The following PCNT variants were observed in gnomAD, a reference collection of about 807,000 sequenced individuals.
PCNT encodes the protein kendrin.
Under a neutral mutation model 380.4 loss-of-function variants are expected in PCNT, and 319 were observed. The ratio of observed to expected loss-of-function variants is 0.84; its 90% confidence interval spans 0.77 to 0.92. The LOEUF is 0.92. Among genes scored for constraint, PCNT ranks in the 40% least tolerant of loss-of-function variants. The probability of loss-of-function intolerance (pLI) is 0.00; values close to 1 mark genes in which losing one functional copy is unlikely to be tolerated. For missense variants in PCNT, 4,400 were observed against 4,255.3 expected (o/e 1.03, Z -0.95); for synonymous variants, 1,845 against 1,735.2 (o/e 1.06, Z -1.57).
At chr21:46,391,562 C>G (rs946544278) in intron 21 of PCNT, among the ~76,000 whole-genome samples, 186 bp downstream of exon 21, 2 of 152,216 alleles carry the variant, frequency 1.3e-5, no homozygotes, top group African/African-American at 4.8e-5. Flanking sequence ...ACTGGCTTTG[C>G]TGCCCTTTCA....
intron 13 of PCNT, among the ~76,000 whole-genome samples, chr21:46,358,036 C>G (rs1601827698): frequency 6.6e-6 from 1 of 152,210 alleles, no homozygotes; most frequent in Non-Finnish European, 1.5e-5. Context: ...AGGGTCCATC[C>G]CATGCTGGAG....
intron 3 of PCNT, among the ~76,000 whole-genome samples, chr21:46,338,879 C>T (rs971058063): frequency 6.6e-6 from 1 of 152,114 alleles, no homozygotes; most frequent in African/African-American, 2.4e-5. Context: ...CTCCCAGGCT[C>T]AAGGGGTTCT....
chr21:46,370,727 A>G (rs916358343), intron 15 of PCNT, among the ~76,000 whole-genome samples: 2 of 152,110 alleles, frequency 1.3e-5, no homozygotes, highest in African/African-American at 4.8e-5. Context: ...GGAACATAGC[A>G]AGAGTCCACT....
At chr21:46,399,099 G>A (rs1298614237) in intron 24 of PCNT, among the ~76,000 whole-genome samples, 6 of 152,150 alleles carry the variant, frequency 3.9e-5, no homozygotes, top group South Asian at 2.1e-4. Flanking sequence ...GATTACAGGC[G>A]TGAGCCACCG....
Position 46,438,197 on chromosome 21 carries a change from G to T in PCNT, c.9133G>T (p.Val3045Leu), listed in dbSNP as rs925637422. The change falls in exon 41 of 47, where the codon GTG (valine) becomes TTG (leucine). Residue 3045 changes from valine to leucine, a missense_variant. By Grantham distance (32) the Val-to-Leu change is conservative. Transcript: ENST00000359568. ...GGCAGCAGAGCTGCAGTTCCAGTTT[G>T]TGGACGTCCTGCTGAAAGACAATGT... The part of the protein sequence containing the change: ...KMAAELQFQF[V>L]DVLLKDNVSL... 1.9e-6 allele frequency: 3 copies of T among 1,614,134 alleles called. No individual in the cohort carries two copies. The East Asian group carries it at 6.7e-5, about 36-fold the overall frequency.
chr21:46,348,875 C>T, intron 6 of PCNT, 137 bp from the exon 7 acceptor site: 1 of 654,548 alleles, frequency 1.5e-6, no homozygotes, highest in Non-Finnish European at 2.7e-6. Context: ...ATCTGCCTGC[C>T]TCAGCCTCTC....
At chr21:46,399,904 C>A (rs2086364133) in intron 25 of PCNT, 108 bp downstream of exon 25, 1 of 904,672 alleles carries the variant, frequency 1.1e-6, no homozygotes, top group African/African-American at 1.6e-5. Context: ...TCACTGGCAG[C>A]CACCACGTCT....
rs573375308 is a variant in PCNT, at chr21:46,430,306, G to T, written c.7913+74G>T. On this transcript the variant is annotated intron_variant, in intron 36 of 46. Coordinates refer to ENST00000359568, the MANE Select transcript of PCNT (RefSeq NM_006031.6). ...TGCCATGTTTTCTTGGTGATGAAGG[G>T]AGACAGAACCTCTGGTGGGCCGCAG... The T allele has an allele frequency of 1.6e-5, 24 of 1,475,372 alleles. No homozygotes were observed. The East Asian group carries it at 5.2e-4, about 32-fold the overall frequency. 91.4% of individuals were successfully genotyped at this position (1,475,372 alleles called of 1,614,324 possible).
chr21:46,391,204 G>A lies in PCNT; in HGVS notation c.4044G>A (p.Lys1348=), dbSNP rs748793026. The A allele has an allele frequency of 7.5e-6, 12 of 1,609,114 alleles. No homozygotes were observed. The highest frequency in any genetic ancestry group is 9.3e-6 in the Non-Finnish European group (11 of 1,178,054). Residue 1348 remains lysine (K), a synonymous_variant, in exon 21 of 47, where the codon AAG becomes AAA. Transcript: ENST00000359568. ...TCAAGGTGGAGACAGCAGATCTGAA[G>A]GAGGTGCTGGCCGGGAAGGAGGATT... is the stretch of plus-strand genomic sequence containing the variant. ...EGFKVETADL[K]EVLAGKEDSE...
chr21:46,339,248 G>A (rs901955561), intron 3 of PCNT, among the ~76,000 whole-genome samples: 3 of 152,166 alleles, frequency 2.0e-5, no homozygotes, highest in Admixed American at 6.6e-5. Context: ...AGCCTGGCTG[G>A]CGTAGACATA....
chr21:46,358,337 A>G (rs2084555127), intron 13 of PCNT, among the ~76,000 whole-genome samples: 1 of 152,216 alleles, frequency 6.6e-6, no homozygotes, highest in Non-Finnish European at 1.5e-5. Context: ...CTCCCTGTGA[A>G]TGTCTCCCTG....
intron 21 of PCNT, among the ~76,000 whole-genome samples, chr21:46,392,449 G>C (rs1212446590): frequency 3.9e-5 from 6 of 152,326 alleles, no homozygotes; most frequent in Non-Finnish European, 7.3e-5. Context: ...TCGAACTCCT[G>C]ACCTCAAGTG....
In PCNT at chr21:46,334,553, C is replaced by G; in HGVS notation, c.424C>G (p.Gln142Glu). ...CACAGTCGGTGACCACCCACCAGAA[C>G]AGCGTGGGATGTTCACAGTCAGTGA... ...MFTVGDHPPE[Q>E]RGMFTVSDHP... The change falls in exon 3 of 47, where the codon CAG becomes GAG. Residue 142 changes from glutamine (Q) to glutamate (E), a missense_variant. Coordinates refer to ENST00000359568, the MANE Select transcript of PCNT (RefSeq NM_006031.6). 6.3e-7 allele frequency: 1 copy of G among 1,599,316 alleles called. No individual in the cohort carries two copies. Among genetic ancestry groups the G allele is most frequent in the Non-Finnish European group, 8.6e-7 (1 of 1,169,578 alleles).
intron 20 of PCNT, 98 bp downstream of exon 20, chr21:46,390,930 G>A: frequency 7.0e-7 from 1 of 1,424,294 alleles, no homozygotes; most frequent in South Asian, 1.2e-5. Context: ...GGTTTTTAAA[G>A]TGAAATGTAA....
intron 1 of PCNT, among the ~76,000 whole-genome samples, chr21:46,324,683 C>T (rs2083303774): frequency 6.6e-6 from 1 of 151,824 alleles, no homozygotes; most frequent in Admixed American, 6.5e-5. Context: ...GGCGCTGGAC[C>T]CCAGGCTGGA....
chr21:46,436,083 G>A lies in PCNT; in HGVS notation c.8931G>A (p.Ala2977=), dbSNP rs1403813919. ...HLREQQRELE[A]MRQRLLSAAR... Reference sequence around the variant, plus strand: ...GGGAACAGCAGCGAGAGCTGGAGGCGATGAGGCAGCGGCTGCTCTCTGCCG... The same window carrying A: ...GGGAACAGCAGCGAGAGCTGGAGGCAATGAGGCAGCGGCTGCTCTCTGCCG... Residue 2977 remains alanine, a synonymous_variant, in exon 39 of 47, where the codon GCG becomes GCA. Transcript: ENST00000359568. 4.3e-6 allele frequency: 7 copies of A among 1,612,684 alleles called. No individual in the cohort carries two copies. The highest frequency in any genetic ancestry group is 2.2e-5 in the East Asian group (1 of 44,840).
At chr21:46,382,843 T>G (rs2085625335) in intron 16 of PCNT, among the ~76,000 whole-genome samples, 1 of 130,800 alleles carries the variant, frequency 7.6e-6, no homozygotes, top group African/African-American at 3.5e-5. Flanking sequence ...GTGTTGTGCG[T>G]TCAGTGGCGG....
rs2087275133 is a variant in PCNT at position 46,422,045 on chromosome 21, C to T, written c.7100C>T (p.Thr2367Ile). ...GAGGCTCAAACTGCTGGTCCTGTGA[C>T]CCCTGCTTCCATCTCTGGAAGGTTT... Reference protein sequence around the residue: ...GPEAQTAGPVTPASISGRFQP... With the variant: ...GPEAQTAGPVIPASISGRFQP... The change falls in exon 32 of 47, where the codon ACC becomes ATC. Residue 2367 changes from threonine (T) to isoleucine (I), a missense_variant. Transcript: ENST00000359568. 1 of 1,614,014 alleles carries T rather than the reference C, an allele frequency of 6.2e-7. No homozygotes were observed. Among genetic ancestry groups the T allele is most frequent in the African/African-American group, 1.3e-5 (1 of 75,044 alleles).
Position 46,367,121 on chromosome 21 carries a change from G to C in PCNT, c.3147G>C (p.Glu1049Asp), listed in dbSNP as rs1299089708. The change falls in exon 15 of 47, where the codon GAG becomes GAC. Residue 1049 changes from glutamate to aspartate, a missense_variant. Transcript: ENST00000359568. ...STELAGTVAH[E>D]LQGVHQGEFG... ...AGCTCGCCGGAACCGTGGCTCACGA[G>C]CTGCAGGGAGTGCACCAGGTAAGGC... is the stretch of plus-strand genomic sequence containing the variant. 2.5e-6 allele frequency: 4 copies of C among 1,612,950 alleles called. No individual in the cohort carries two copies. Among genetic ancestry groups the C allele is most frequent in the Non-Finnish European group, 3.4e-6 (4 of 1,179,988 alleles).
Sources: gnomAD v4.1 joint callset for allele counts (sites outside exome capture counted in the v4.1 genomes callset) on GRCh38, gnomAD v4.1.1 for gene constraint, MANE v1.5 for transcripts, NCBI Gene and HGNC (gene_info 2026-07-23, HGNC 2026-07-21) for gene names.